DNAH12: variants seen among roughly 807,000 people sequenced by gnomAD.
The protein encoded by DNAH12 is axonemal beta dynein heavy chain 12.
DNAH12 carries 285 observed loss-of-function variants against 371.5 expected under a neutral mutation model. That is an observed-to-expected ratio of 0.77 (90% CI 0.70 to 0.85). DNAH12 has a LOEUF of 0.85. Among genes scored for constraint, DNAH12 ranks in the 40% least tolerant of loss-of-function variants. The pLI is 0.00. For missense variants in DNAH12, 3,611 were observed against 3,689.4 expected (o/e 0.98, Z 0.55); for synonymous variants, 1,200 against 1,213.0 (o/e 0.99, Z 0.22).
intron 62 of DNAH12, among the ~76,000 whole-genome samples, chr3:57,324,812 C>T (rs2061897638): frequency 6.6e-6 from 1 of 152,176 alleles, no homozygotes; most frequent in Non-Finnish European, 1.5e-5. Flanking sequence ...AGTTCCCTTT[C>T]CTAGTCAAAG....
intron 55 of DNAH12, among the ~76,000 whole-genome samples, chr3:57,374,925 T>TA (rs2063251735): frequency 1.3e-5 from 2 of 152,120 alleles, no homozygotes; most frequent in Admixed American, 1.3e-4. Flanking sequence ...GGTAGGGATT[T>TA]ACTGGAAAGG....
At chr3:57,407,107 C>T (rs560204649) in intron 40 of DNAH12, among the ~76,000 whole-genome samples, 1 of 151,964 alleles carries the variant, frequency 6.6e-6, no homozygotes, top group Admixed American at 6.6e-5. Flanking sequence ...CCATGTTGGC[C>T]AGGATGGTCT....
chr3:57,379,296 C>T lies in DNAH12; in HGVS notation c.8085G>A (p.Val2695=), dbSNP rs2153340857. The T allele has an allele frequency of 6.6e-6, 1 of 152,020 alleles. No individual in the cohort carries two copies. The highest frequency in any genetic ancestry group is 1.9e-4 in the East Asian group (1 of 5,172). 9.4% of individuals were successfully genotyped at this position (152,020 alleles called of 1,614,324 possible). A position where few individuals can be genotyped will look rare whatever the true frequency, so the allele number is the denominator to read the frequency against. Residue 2695 remains valine, a splice_region_variant and synonymous_variant, in exon 52 of 74, where the codon GTG becomes GTA. Transcript: ENST00000495027. ...LKEYDKDNIP[V]TVMQKIRSEY... is the part of the protein sequence containing the mutation. The stretch of plus-strand genomic sequence containing the variant: ...CACTACGAATCTTCTGCATAACAGT[C>T]ACCTATACAACAAAGATTTAAATTT...
At chr3:57,511,364 C>A (rs1575710137) in intron 4 of DNAH12, among the ~76,000 whole-genome samples, 2 of 152,090 alleles carry the variant, frequency 1.3e-5, no homozygotes, top group East Asian at 3.8e-4. Context: ...AAAGCCCATG[C>A]TCTCTTGAGA....
chr3:57,322,338 A>G lies in DNAH12; in HGVS notation c.10524+5T>C, dbSNP rs373560158. 1.7e-4 allele frequency: 270 copies of G among 1,548,576 alleles called. 1 individual carries two copies. The African/African-American group carries it at 3.3e-3, about 19-fold the overall frequency. On this transcript the variant is annotated splice_donor_5th_base_variant and intron_variant, in intron 65 of 73. Coordinates refer to ENST00000495027, the MANE Select transcript of DNAH12 (RefSeq NM_001366028.2). Reference sequence around the variant, plus strand: ...ATTTTAAAAGTTCCAAAAGATGAATATTACCAGTTCCTTTCCACGGCATCC... The same window carrying G: ...ATTTTAAAAGTTCCAAAAGATGAATGTTACCAGTTCCTTTCCACGGCATCC...
chr3:57,371,345 A>G (rs2063165590), intron 55 of DNAH12, among the ~76,000 whole-genome samples: 1 of 152,192 alleles, frequency 6.6e-6, no homozygotes, highest in Non-Finnish European at 1.5e-5. Flanking sequence ...ATATACTCAC[A>G]GTATTCATTT....
In DNAH12 at chr3:57,457,881, T is replaced by C. The variant is rs751894993; in HGVS notation, c.3176A>G (p.Asn1059Ser). 3.8e-5 allele frequency: 59 copies of C among 1,551,594 alleles called. No homozygotes were observed. Among genetic ancestry groups the C allele is most frequent in the South Asian group, 2.7e-4 (23 of 84,066 alleles). ...EGIAKLEFLP[N>S]LDIKAMYSSE... ...GCTATACATGGCTTTAATGTCCAAA[T>C]TGGGAAGGAACTCTAATTTAGCAAT... The change falls in exon 22 of 74, where the codon AAT becomes AGT. Residue 1059 changes from asparagine (N) to serine (S), a missense_variant. Around this residue, in one of 3 missense-constraint regions of DNAH12, gnomAD observed 1,314 missense variants for 1,398.7 expected, o/e 0.94. Coordinates refer to ENST00000495027, the MANE Select transcript of DNAH12 (RefSeq NM_001366028.2).
chr3:57,301,922 C>A lies in DNAH12; in HGVS notation c.11207G>T (p.Arg3736Leu), dbSNP rs757664944. The change falls in exon 70 of 74, where the codon CGT becomes CTT. Residue 3736 changes from arginine to leucine, a missense_variant. Around this residue, in one of 3 missense-constraint regions of DNAH12, gnomAD observed 2,266 missense variants for 2,236.9 expected, o/e 1.01. Transcript: ENST00000495027. ...TTTTTCAAGGTCCCGTAGAGTGTTA[C>A]GTATAGTTATAATTAAACTGCAATG... ...ERFNNLIITI[R>L]NTLRDLEKAI... 3 of 1,551,316 alleles carry A rather than the reference C, an allele frequency of 1.9e-6. No homozygotes were observed. In the African/African-American group the frequency reaches 4.1e-5, roughly 21 times the overall value.
At chr3:57,309,297 G>T in intron 68 of DNAH12, 43 bp from the exon 69 acceptor site, 1 of 1,448,540 alleles carries the variant, frequency 6.9e-7, no homozygotes, top group South Asian at 1.3e-5. Flanking sequence ...TTCTCAGAAT[G>T]GATAATTAGC....
At chr3:57,421,233 T>C (rs1374820438) in intron 36 of DNAH12, among the ~76,000 whole-genome samples, 2 of 152,208 alleles carry the variant, frequency 1.3e-5, no homozygotes, top group African/African-American at 4.8e-5. Context: ...ATAAAATTTG[T>C]ATGAATCAAA....
At chr3:57,469,659 G>A (rs1447654) in intron 16 of DNAH12, among the ~76,000 whole-genome samples, 10,782 of 152,206 alleles carry the variant, frequency 0.071, 1,300 homozygotes, top group African/African-American at 0.24. Context: ...CTTAAAAAAG[G>A]ATGAAATCAT....
chr3:57,361,454 A>ATATATATC (rs1399823073), intron 58 of DNAH12, among the ~76,000 whole-genome samples: 1 of 143,528 alleles, frequency 7.0e-6, no homozygotes, highest in Non-Finnish European at 1.5e-5. Context: ...CTATATATAT[A>ATATATATC]TATATATATA....
At chr3:57,455,027 A>G (rs2065863685) in intron 22 of DNAH12, 133 bp from the exon 23 acceptor site, 2 of 896,140 alleles carry the variant, frequency 2.2e-6, no homozygotes, top group Non-Finnish European at 3.1e-6. Context: ...AAAATGTTAA[A>G]TGACTAAAAG....
At chr3:57,339,724 A>C (rs2062346234) in intron 60 of DNAH12, among the ~76,000 whole-genome samples, 1 of 152,170 alleles carries the variant, frequency 6.6e-6, no homozygotes, top group East Asian at 1.9e-4. Flanking sequence ...GAACTATACA[A>C]ATACGTGAAA....
At chr3:57,320,837 T>G (rs988078207) in intron 65 of DNAH12, among the ~76,000 whole-genome samples, 2 of 152,218 alleles carry the variant, frequency 1.3e-5, no homozygotes, top group African/African-American at 4.8e-5. Flanking sequence ...ACAGGGCATT[T>G]ACATTCTTTT....
chr3:57,435,584 C>A (rs758397899), intron 30 of DNAH12, among the ~76,000 whole-genome samples: 16 of 152,028 alleles, frequency 1.1e-4, no homozygotes, highest in Non-Finnish European at 1.6e-4. Context: ...AGATAAAAAG[C>A]TGATTGTTTT....
chr3:57,294,029 G>A (rs1164994394), intron 73 of DNAH12, 58 bp from the exon 74 acceptor site: 18 of 1,346,580 alleles, frequency 1.3e-5, no homozygotes, highest in Admixed American at 3.2e-5. Context: ...CCATTGGTAC[G>A]AAAAGAACTA....
intron 13 of DNAH12, among the ~76,000 whole-genome samples, chr3:57,482,915 A>C (rs1214530041): frequency 9.8e-6 from 1 of 102,360 alleles, no homozygotes; most frequent in Non-Finnish European, 1.8e-5. Context: ...CACACCGGGG[A>C]CTGTTGTGGG....
intron 55 of DNAH12, among the ~76,000 whole-genome samples, chr3:57,371,916 T>C (rs1325494153): frequency 1.2e-5 from 1 of 84,786 alleles, no homozygotes; most frequent in Non-Finnish European, 2.3e-5. Context: ...AAAAAACAAC[T>C]GTCAACCCAG....
Sources: gnomAD v4.1 joint callset for allele counts (sites outside exome capture counted in the v4.1 genomes callset) on GRCh38, gnomAD v4.1.1 for gene constraint, gnomAD v4.1.1 regional missense constraint, MANE v1.5 for transcripts, NCBI Gene and HGNC (gene_info 2026-07-23, HGNC 2026-07-21) for gene names.